Variants in YEATS2 observed in about 807,000 individuals in gnomAD.
YEATS2 encodes the protein YEATS domain containing 2, also known as YEATS domain-containing protein 2.
In YEATS2, 77 loss-of-function variants were observed where a neutral mutation model predicts 163.2. That is an observed-to-expected ratio of 0.47 (90% CI 0.39 to 0.57). The LOEUF is 0.57. YEATS2 is among the 20% of genes least tolerant of loss of function. The pLI, the probability that YEATS2 is intolerant of heterozygous loss-of-function variation, is 0.00. For synonymous variants in YEATS2, 631 were observed against 645.1 expected (o/e 0.98, Z 0.33); for missense variants, 1,549 against 1,729.8 (o/e 0.90, Z 1.85).
At chr3:183,786,364 A>G in intron 20 of YEATS2, 63 bp downstream of exon 20, 2 of 1,510,942 alleles carry the variant, frequency 1.3e-6, no homozygotes, top group South Asian at 2.5e-5. Context: ...GATACAAGGA[A>G]GGTGTCCAGC....
Position 183,807,020 on chromosome 3 carries a change from G to C in YEATS2, c.3939G>C (p.Glu1313Asp), listed in dbSNP as rs754817220. 3.6e-5 allele frequency: 58 copies of C among 1,614,066 alleles called. 1 individual carries two copies. The South Asian group carries it at 6.4e-4, about 18-fold the overall frequency. The stretch of plus-strand genomic sequence containing the variant: ...TAAACATCAAGAAGGAGCAGGAAGA[G>C]AAACAAGAGGAAGTCAAGTTCTACC... The part of the protein sequence containing the change: ...VKINIKKEQE[E>D]KQEEVKFYLP... Residue 1313 changes from glutamate to aspartate, a missense_variant, in exon 28 of 31, where the codon GAG becomes GAC. Transcript: ENST00000305135.
intron 19 of YEATS2, among the ~76,000 whole-genome samples, chr3:183,783,691 CT>C (rs1182800359): frequency 1.3e-5 from 2 of 152,160 alleles, no homozygotes; most frequent in African/African-American, 4.8e-5. Flanking sequence ...GGATAATGGC[CT>C]CCAGCTGCAT....
chr3:183,763,458 A>G (rs6443904), intron 15 of YEATS2, among the ~76,000 whole-genome samples: 34,219 of 152,104 alleles, frequency 0.22, 4,062 homozygotes, highest in East Asian at 0.31. Context: ...GTAGATGACT[A>G]TGGTATCAAT....
intron 1 of YEATS2, among the ~76,000 whole-genome samples, chr3:183,701,071 G>GTGTATA (rs1553853687): frequency 6.8e-6 from 1 of 146,676 alleles, no homozygotes. Context: ...GTGTGTGTGT[G>GTGTATA]TATATATATA....
At chr3:183,764,100 G>A (rs536430289) in intron 15 of YEATS2, among the ~76,000 whole-genome samples, 2 of 151,946 alleles carry the variant, frequency 1.3e-5, no homozygotes, top group African/African-American at 4.8e-5. Context: ...GGCTGGGCAC[G>A]GTGGCTCACG....
chr3:183,777,004 C>G (rs1012038933), intron 18 of YEATS2, among the ~76,000 whole-genome samples: 2 of 151,714 alleles, frequency 1.3e-5, no homozygotes, highest in Non-Finnish European at 2.9e-5. Flanking sequence ...ATCTTCCTGC[C>G]TTAAAGATTT....
At chr3:183,761,958 C>T in intron 14 of YEATS2, 139 bp from the exon 15 acceptor site, 3 of 1,161,748 alleles carry the variant, frequency 2.6e-6, no homozygotes, top group Admixed American at 4.0e-5. Flanking sequence ...TATATTTACC[C>T]TTCTGGTGGA....
At chr3:183,716,150 G>A (rs1014416892) in intron 2 of YEATS2, among the ~76,000 whole-genome samples, 21 of 151,952 alleles carry the variant, frequency 1.4e-4, no homozygotes, top group African/African-American at 4.8e-4. Context: ...TAGTAGAGAC[G>A]GGGTTTCACC....
intron 1 of YEATS2, among the ~76,000 whole-genome samples, chr3:183,702,186 T>G (rs1714166954): frequency 6.6e-6 from 1 of 152,202 alleles, no homozygotes; most frequent in African/African-American, 2.4e-5. Flanking sequence ...GGCTCATACC[T>G]GTAGTCCCAG....
chr3:183,773,534 A>C, intron 16 of YEATS2, 99 bp from the exon 17 acceptor site: 2 of 1,155,556 alleles, frequency 1.7e-6, no homozygotes, highest in Non-Finnish European at 2.4e-6. Flanking sequence ...ATTGCTTGTT[A>C]GTGTTCTAAA....
At position 183,759,040 on chromosome 3, in the gene YEATS2, G is replaced by C. The variant is rs957795291; in HGVS notation, c.1656+75G>C. On this transcript the variant is annotated intron_variant, in intron 13 of 30. Coordinates refer to ENST00000305135, the MANE Select transcript of YEATS2 (RefSeq NM_018023.5). ...ATTTTTAAAAAATAATTTTTCAAAT[G>C]GAGATGGGGTCTCCCCGTATTAACC... 6.7e-6 allele frequency: 7 copies of C among 1,042,204 alleles called. No homozygotes were observed. In the African/African-American group the frequency reaches 8.4e-5, roughly 12 times the overall value. The allele number at this position is 1,042,204 out of a possible 1,614,324, so 64.6% of individuals were successfully genotyped here.
At chr3:183,746,604 A>G (rs1031255266) in intron 8 of YEATS2, among the ~76,000 whole-genome samples, 12 of 151,524 alleles carry the variant, frequency 7.9e-5, no homozygotes, top group Non-Finnish European at 1.6e-4. Context: ...TTACAGAGAG[A>G]CTATTATTTC....
intron 6 of YEATS2, among the ~76,000 whole-genome samples, chr3:183,725,538 A>T (rs906045144): frequency 2.6e-5 from 4 of 152,244 alleles, no homozygotes; most frequent in Non-Finnish European, 5.9e-5. Flanking sequence ...CAAGGGAGAA[A>T]CAAAGCCATG....
intron 18 of YEATS2, among the ~76,000 whole-genome samples, chr3:183,776,976 A>G (rs553653078): frequency 4.6e-5 from 7 of 152,032 alleles, no homozygotes; most frequent in Non-Finnish European, 8.8e-5. Flanking sequence ...AAGGAAAAGA[A>G]TTTGGGTTTA....
At chr3:183,734,805 A>G (rs1718170579) in intron 7 of YEATS2, among the ~76,000 whole-genome samples, 1 of 152,172 alleles carries the variant, frequency 6.6e-6, no homozygotes. Flanking sequence ...CTGTGTTTCT[A>G]ATAAAGCCAT....
intron 9 of YEATS2, among the ~76,000 whole-genome samples, chr3:183,748,401 G>A (rs1204107983): frequency 6.6e-6 from 1 of 150,610 alleles, no homozygotes; most frequent in Non-Finnish European, 1.5e-5. Flanking sequence ...ACAGGCACGC[G>A]CCACCACACC....
chr3:183,756,653 C>A lies in YEATS2; in HGVS notation c.1516C>A (p.Pro506Thr), dbSNP rs780376319. Residue 506 changes from proline to threonine, a missense_variant, in exon 12 of 31, where the codon CCG (proline) becomes ACG (threonine). By Grantham distance (38) the Pro-to-Thr change is conservative. Coordinates refer to ENST00000305135, the MANE Select transcript of YEATS2 (RefSeq NM_018023.5). The stretch of plus-strand genomic sequence containing the variant: ...TCCTTATGTTATCATGGACAAGCAG[C>A]CGGGGCAGGTGATTGGAGCCACCAC... ...NNPYVIMDKQ[P>T]GQVIGATTPS... The A allele has an allele frequency of 1.9e-6, 3 of 1,592,986 alleles. No homozygotes were observed. The South Asian group carries it at 3.5e-5, about 19-fold the overall frequency.
chr3:183,725,779 T>G (rs2109084761), intron 6 of YEATS2, among the ~76,000 whole-genome samples: 1 of 152,350 alleles, frequency 6.6e-6, no homozygotes, highest in South Asian at 2.1e-4. Context: ...CATTTACTTG[T>G]GATTGGCACG....
intron 19 of YEATS2, among the ~76,000 whole-genome samples, chr3:183,785,420 C>T (rs1192858551): frequency 4.8e-5 from 7 of 146,050 alleles, no homozygotes; most frequent in African/African-American, 1.0e-4. Context: ...ACCCGGGAGG[C>T]GGAGGTTGCA....
Sources: allele counts gnomAD v4.1 joint callset (sites outside exome capture counted in the v4.1 genomes callset), GRCh38; gene constraint gnomAD v4.1.1; transcripts MANE v1.5; gene names NCBI Gene and HGNC (gene_info 2026-07-23, HGNC 2026-07-21).